The following TNRC6C variants were observed in gnomAD, a reference collection of about 807,000 sequenced individuals.
TNRC6C encodes trinucleotide repeat containing adaptor 6C.
In TNRC6C, 20 loss-of-function variants were observed where a neutral mutation model predicts 153.7. The observed-to-expected ratio is 0.13, with a 90% CI of 0.09 to 0.19. The LOEUF (loss-of-function observed/expected upper bound fraction) is 0.19, where lower values mean the gene tolerates loss of function less well. Among genes scored for constraint, TNRC6C ranks in the 10% least tolerant of loss-of-function variants. The pLI is 1.00. For missense variants in TNRC6C, 1,987 were observed against 2,172.0 expected (o/e 0.91, Z 1.69); for synonymous variants, 811 against 841.4 (o/e 0.96, Z 0.63).
chr17:77,976,949 A>AAAAC (rs2071008479), intron 1 of TNRC6C, among the ~76,000 whole-genome samples: 1 of 150,738 alleles, frequency 6.6e-6, no homozygotes, highest in Non-Finnish European at 1.5e-5. Flanking sequence ...AAAAAAAAAA[A>AAAAC]AAAAAAAAAA....
At chr17:78,067,408 A>G (rs2072903570) in intron 4 of TNRC6C, among the ~76,000 whole-genome samples, 1 of 152,146 alleles carries the variant, frequency 6.6e-6, no homozygotes, top group Non-Finnish European at 1.5e-5. Context: ...AGGAATCTAC[A>G]TTTCTGTAGC....
intron 16 of TNRC6C, among the ~76,000 whole-genome samples, 181 bp downstream of exon 19, chr17:78,098,042 G>T (rs1440349675): frequency 1.3e-5 from 2 of 152,218 alleles, no homozygotes; most frequent in African/African-American, 4.8e-5. Flanking sequence ...GGGCACATCA[G>T]CTTGCACGCA....
chr17:77,981,148 T>A (rs530797318), intron 1 of TNRC6C, among the ~76,000 whole-genome samples: 7 of 152,178 alleles, frequency 4.6e-5, no homozygotes, highest in South Asian at 2.1e-4. Context: ...GCTAATTTTT[T>A]AAAAAAAATT....
At chr17:77,986,253 T>TA (rs926004359) in intron 1 of TNRC6C, among the ~76,000 whole-genome samples, 1 of 151,958 alleles carries the variant, frequency 6.6e-6, no homozygotes, top group Non-Finnish European at 1.5e-5. Context: ...TCGTCTCTAT[T>TA]AAAAATACAA....
At chr17:78,080,607 C>T (rs898027123) in intron 10 of TNRC6C, among the ~76,000 whole-genome samples, 1 of 152,160 alleles carries the variant, frequency 6.6e-6, no homozygotes, top group Non-Finnish European at 1.5e-5. Flanking sequence ...TTTTTAATTA[C>T]AGTGTTAGTT....
chr17:78,039,313 C>G (rs1488943565), intron 2 of TNRC6C, among the ~76,000 whole-genome samples: 2 of 146,652 alleles, frequency 1.4e-5, no homozygotes, highest in Non-Finnish European at 1.5e-5. Flanking sequence ...AATCTTGCCC[C>G]CCCCCCCCAC....
chr17:78,077,570 T>C, intron 9 of TNRC6C: 1 of 577,176 alleles, frequency 1.7e-6, no homozygotes, highest in South Asian at 2.0e-5. Context: ...GTGTTTGAGC[T>C]CTCAGCACCC....
chr17:78,050,847 A>T (rs1421590067), exon 3 of TNRC6C: 1 of 1,613,806 alleles, frequency 6.2e-7, no homozygotes, highest in Non-Finnish European at 8.5e-7. Flanking sequence ...GGAGTGCAGG[A>T]GGGGGAGATT....
chr17:78,038,509 T>TA (rs1048986050), intron 2 of TNRC6C, among the ~76,000 whole-genome samples: 178 of 143,800 alleles, frequency 1.2e-3, no homozygotes, highest in Middle Eastern at 3.6e-3. Context: ...CCATCTCTAC[T>TA]AAAAAAAAAA....
intron 1 of TNRC6C, among the ~76,000 whole-genome samples, 181 bp downstream of exon 1, chr17:77,959,449 G>A (rs2144012158): frequency 6.6e-6 from 1 of 151,864 alleles, no homozygotes; most frequent in Admixed American, 6.5e-5. Flanking sequence ...GGGCCGGGGC[G>A]CGTGTGTGCT....
chr17:78,026,618 A>C (rs552240038), intron 1 of TNRC6C, among the ~76,000 whole-genome samples: 6 of 152,352 alleles, frequency 3.9e-5, no homozygotes, highest in African/African-American at 1.4e-4. Context: ...TGAACCTCAA[A>C]GCTAAGTCTG....
chr17:78,086,701 T>G, intron 12 of TNRC6C, 115 bp downstream of exon 14: 1 of 1,558,728 alleles, frequency 6.4e-7, no homozygotes, highest in Non-Finnish European at 8.8e-7. Flanking sequence ...AGCCTTCCTT[T>G]GAAAATTCCT....
At chr17:77,998,035 A>G (rs2071356614) in intron 1 of TNRC6C, among the ~76,000 whole-genome samples, 1 of 151,986 alleles carries the variant, frequency 6.6e-6, no homozygotes, top group African/African-American at 2.4e-5. Context: ...TTGCAGTACC[A>G]TTCACTCTGT....
At chr17:78,083,151 C>T (rs61742302) in exon 11 of TNRC6C, 432 of 1,613,932 alleles carry the variant, frequency 2.7e-4, no homozygotes, top group South Asian at 3.3e-4. Context: ...TGAACCAGCT[C>T]TATCAGCTGC....
At chr17:78,038,910 G>A (rs888380495) in intron 2 of TNRC6C, among the ~76,000 whole-genome samples, 3 of 151,944 alleles carry the variant, frequency 2.0e-5, no homozygotes, top group South Asian at 2.1e-4. Flanking sequence ...CACCGCAGGC[G>A]ACCAGCGAGA....
intron 11 of TNRC6C, among the ~76,000 whole-genome samples, chr17:78,084,019 C>G (rs181091764): frequency 6.6e-6 from 1 of 152,124 alleles, no homozygotes; most frequent in East Asian, 1.9e-4. Context: ...CACGGTGGCT[C>G]ATGCCTATAA....
In TNRC6C at chr17:78,104,321, A is replaced by G. The variant is rs1012799216; in HGVS notation, c.4713-164A>G. ...TACGATGTTGCCACTAGAAGTCTGA[A>G]CTGAGCAAAACATTCACAGTCTGGG... is the stretch of plus-strand genomic sequence containing the variant. On this transcript the variant is annotated intron_variant, in intron 19 of 19. Coordinates refer to ENST00000301624, the Ensembl canonical transcript of TNRC6C. This position sits in a 1 kb window ranked among gnomAD's most constrained non-coding sequence, Gnocchi z 6.2. Among the ~76,000 whole-genome samples the G allele has an allele frequency of 2.0e-5, 3 of 152,190 alleles. No individual in the cohort carries two copies. The highest frequency in any genetic ancestry group is 7.2e-5 in the African/African-American group (3 of 41,446).
chr17:78,093,879 G>T, intron 16 of TNRC6C, 116 bp downstream of exon 18: 2 of 1,306,458 alleles, frequency 1.5e-6, no homozygotes, highest in Non-Finnish European at 2.1e-6. Flanking sequence ...CAGTTGGCGG[G>T]CACCTTTTCT....
Sources: allele counts gnomAD v4.1 joint callset (sites outside exome capture counted in the v4.1 genomes callset), GRCh38; gene constraint gnomAD v4.1.1; non-coding constraint Gnocchi (gnomAD v3.1); transcripts MANE v1.5; gene names NCBI Gene and HGNC (gene_info 2026-07-23, HGNC 2026-07-21).